PRKD1: variants seen among roughly 807,000 people sequenced by gnomAD.
PRKD1 encodes the protein protein kinase D1.
Under a neutral mutation model 95.9 loss-of-function variants are expected in PRKD1, and 63 were observed. That is an observed-to-expected ratio of 0.66 (90% CI 0.54 to 0.81). The LOEUF (loss-of-function observed/expected upper bound fraction) is 0.81. Ranked by LOEUF, PRKD1 falls within the 30% of genes least tolerant of loss-of-function variation. The pLI is 0.00. For synonymous variants in PRKD1, 425 were observed against 423.1 expected, an observed-to-expected ratio of 1.00 and a Z score of -0.05; for missense variants, 1,048 against 1,165.3, an observed-to-expected ratio of 0.90 and a Z score of 1.47.
intron 1 of PRKD1, among the ~76,000 whole-genome samples, chr14:29,834,043 C>T (rs980584487): frequency 2.0e-5 from 3 of 152,128 alleles, no homozygotes; most frequent in African/African-American, 7.2e-5. Flanking sequence ...AGATTTCCTA[C>T]AAGAGACTTA....
chr14:29,785,483 A>G (rs1228032667), intron 1 of PRKD1, among the ~76,000 whole-genome samples: 2 of 152,142 alleles, frequency 1.3e-5, no homozygotes, highest in East Asian at 3.8e-4. Flanking sequence ...AGGTTTGTCT[A>G]TATATAAGAT....
At chr14:29,805,726 G>T (rs1300580023) in intron 1 of PRKD1, among the ~76,000 whole-genome samples, 1 of 152,184 alleles carries the variant, frequency 6.6e-6, no homozygotes, top group Non-Finnish European at 1.5e-5. Flanking sequence ...GCTGATGGGT[G>T]GTAGAGCCAA....
At chr14:29,826,824 T>TATATATACAC (rs1891196174) in intron 1 of PRKD1, among the ~76,000 whole-genome samples, 1 of 29,234 alleles carries the variant, frequency 3.4e-5, no homozygotes, top group African/African-American at 1.3e-4. Flanking sequence ...CACATATATA[T>TATATATACAC]ATATATATAT....
chr14:29,634,803 G>T (rs1409788953), intron 7 of PRKD1, among the ~76,000 whole-genome samples: 1 of 152,070 alleles, frequency 6.6e-6, no homozygotes, highest in African/African-American at 2.4e-5. Context: ...GGAGGCCGAG[G>T]CGGGTGGATC....
At chr14:29,598,626 A>T (rs1199510107) in intron 15 of PRKD1, among the ~76,000 whole-genome samples, 1 of 152,192 alleles carries the variant, frequency 6.6e-6, no homozygotes, top group African/African-American at 2.4e-5. Flanking sequence ...GTCACTTCAG[A>T]CCTATAATTC....
intron 1 of PRKD1, among the ~76,000 whole-genome samples, chr14:29,731,313 G>A (rs1345011854): frequency 6.6e-6 from 1 of 152,032 alleles, no homozygotes; most frequent in African/African-American, 2.4e-5. Flanking sequence ...ATCCTACTTT[G>A]CATAAATTTA....
At chr14:29,902,851 A>C (rs927740278) in intron 1 of PRKD1, among the ~76,000 whole-genome samples, 4 of 152,202 alleles carry the variant, frequency 2.6e-5, no homozygotes, top group Non-Finnish European at 4.4e-5. Flanking sequence ...AATAAAAAAA[A>C]AATCATCTAT....
At chr14:29,802,642 A>C (rs766497789) in intron 1 of PRKD1, among the ~76,000 whole-genome samples, 1 of 152,232 alleles carries the variant, frequency 6.6e-6, no homozygotes. Flanking sequence ...CAGATAAAAG[A>C]TTGGAACCTG....
At chr14:29,870,924 T>C (rs986971543) in intron 1 of PRKD1, among the ~76,000 whole-genome samples, 3 of 152,234 alleles carry the variant, frequency 2.0e-5, no homozygotes, top group East Asian at 1.9e-4. Context: ...ATCAACATGT[T>C]AAGCTATTAG....
chr14:29,727,389 C>A (rs1337979684), intron 1 of PRKD1, among the ~76,000 whole-genome samples: 1 of 145,302 alleles, frequency 6.9e-6, no homozygotes, highest in African/African-American at 2.5e-5. Context: ...TGCAGAAGCT[C>A]TTTAGTTAAT....
At chr14:29,751,628 T>C (rs1344726651) in intron 1 of PRKD1, among the ~76,000 whole-genome samples, 2 of 152,208 alleles carry the variant, frequency 1.3e-5, no homozygotes, top group Non-Finnish European at 2.9e-5. Context: ...TTTAACATTG[T>C]TATGTGAGCT....
rs375374670 is a variant in PRKD1 at position 29,609,715 on chromosome 14, T to TTTA, written c.1906-9899_1906-9898insTAA. Among the ~76,000 whole-genome samples the TTTA allele has an allele frequency of 7.2e-4, 45 of 62,632 alleles. 1 individual carries two copies. The highest frequency in any genetic ancestry group is 1.7e-3 in the South Asian group (2 of 1,206). The allele number at this position is 62,632 out of a possible 152,430, so 41.1% of individuals were successfully genotyped here. A position where few individuals can be genotyped will look rare whatever the true frequency, so the allele number is the denominator to read the frequency against. On this transcript the variant is annotated intron_variant, in intron 13 of 17. Coordinates refer to ENST00000331968, the MANE Select transcript of PRKD1 (RefSeq NM_002742.3). ...ACCACCACGCCCAGCTATTTCTTTA[T>TTTA]TTTTTTTTTTTTTTTGTACTTTTAG... is the stretch of plus-strand genomic sequence containing the variant.
intron 1 of PRKD1, among the ~76,000 whole-genome samples, chr14:29,743,573 C>T (rs1347860975): frequency 6.6e-6 from 1 of 152,138 alleles, no homozygotes; most frequent in Non-Finnish European, 1.5e-5. Flanking sequence ...CACAAAACTT[C>T]AAACACAACA....
chr14:29,611,732 G>T, intron 13 of PRKD1, among the ~76,000 whole-genome samples: 1 of 130,908 alleles, frequency 7.6e-6, no homozygotes. Context: ...AATATTAAAA[G>T]TGTGAATTAT....
At chr14:29,768,560 A>G (rs1888364203) in intron 1 of PRKD1, among the ~76,000 whole-genome samples, 1 of 152,150 alleles carries the variant, frequency 6.6e-6, no homozygotes, top group African/African-American at 2.4e-5. Flanking sequence ...AAAGATGACC[A>G]CTGATGCTTC....
At chr14:29,832,514 C>A (rs1891451653) in intron 1 of PRKD1, among the ~76,000 whole-genome samples, 1 of 151,992 alleles carries the variant, frequency 6.6e-6, no homozygotes, top group South Asian at 2.1e-4. Context: ...TATACAGAGA[C>A]TTTACTGGTG....
chr14:29,780,413 A>T (rs1192335386), intron 1 of PRKD1, among the ~76,000 whole-genome samples: 1 of 152,260 alleles, frequency 6.6e-6, no homozygotes, highest in African/African-American at 2.4e-5. Flanking sequence ...AATATCCAGA[A>T]TCTACCAAGA....
rs533224227 is a variant in PRKD1, at chr14:29,609,719, T to A, written c.1906-9902A>T. On this transcript the variant is annotated intron_variant, in intron 13 of 17. Transcript: ENST00000331968. ...CCACGCCCAGCTATTTCTTTATTTT[T>A]TTTTTTTTTTTGTACTTTTAGTAGA... is the stretch of plus-strand genomic sequence containing the variant. Among the ~76,000 whole-genome samples, 1,259 of 147,112 alleles carry A rather than the reference T, an allele frequency of 8.6e-3. 48 individuals are homozygous for A. The highest frequency in any genetic ancestry group is 0.058 in the Admixed American group (845 of 14,446).
At chr14:29,707,737 T>C (rs1323146985) in intron 2 of PRKD1, among the ~76,000 whole-genome samples, 1 of 152,186 alleles carries the variant, frequency 6.6e-6, no homozygotes, top group East Asian at 1.9e-4. Flanking sequence ...CCTGTTTGTA[T>C]ATGAAACTCA....
Sources: gnomAD v4.1 joint callset for allele counts (sites outside exome capture counted in the v4.1 genomes callset) on GRCh38, gnomAD v4.1.1 for gene constraint, MANE v1.5 for transcripts, NCBI Gene and HGNC (gene_info 2026-07-23, HGNC 2026-07-21) for gene names.